Variants in SOX5 observed in about 807,000 individuals in gnomAD.
SOX5 encodes transcription factor SOX-5.
A neutral mutation model predicts 92.0 loss-of-function variants in SOX5; 9 were observed. The observed-to-expected ratio is 0.10, with a 90% confidence interval of 0.06 to 0.17. The LOEUF (loss-of-function observed/expected upper bound fraction) is 0.17, where lower values mean the gene tolerates loss of function less well. Ranked by LOEUF, SOX5 falls within the 10% of genes least tolerant of loss-of-function variation. SOX5 has a pLI of 1.00. For missense variants in SOX5, 642 were observed against 944.5 expected (o/e 0.68, Z 4.20); for synonymous variants, 344 against 336.3 (o/e 1.02, Z -0.25).
chr12:23,845,837 AT>A, intron 3 of SOX5, 145 bp downstream of exon 3: 1 of 653,780 alleles, frequency 1.5e-6, no homozygotes, highest in Non-Finnish European at 2.7e-6. Context: ...TCTGAAAAAA[AT>A]ATACCAACCG....
intron 1 of SOX5, among the ~76,000 whole-genome samples, chr12:24,551,165 G>A (rs984326007): frequency 2.1e-4 from 32 of 152,154 alleles, no homozygotes; most frequent in African/African-American, 7.0e-4. Context: ...CTCTTTTCAG[G>A]CTGCTTTCAA....
chr12:23,930,288 G>A (rs1488519530), intron 1 of SOX5, among the ~76,000 whole-genome samples: 2 of 151,718 alleles, frequency 1.3e-5, no homozygotes, highest in African/African-American at 4.8e-5. Flanking sequence ...GTAGCAATTT[G>A]GCTAGGTTAT....
intron 6 of SOX5, among the ~76,000 whole-genome samples, chr12:23,671,948 T>A (rs930231240): frequency 6.6e-6 from 1 of 152,054 alleles, no homozygotes; most frequent in Non-Finnish European, 1.5e-5. Flanking sequence ...GAACTTTTTT[T>A]AAAAATCGTT....
intron 1 of SOX5, among the ~76,000 whole-genome samples, chr12:24,403,862 G>A (rs1427511487): frequency 6.6e-6 from 1 of 152,152 alleles, no homozygotes; most frequent in Admixed American, 6.5e-5. Context: ...GTTTCTGTAG[G>A]TATATACTTC....
chr12:23,998,910 G>A (rs1951312062), intron 4 of SOX5, among the ~76,000 whole-genome samples: 1 of 149,284 alleles, frequency 6.7e-6, no homozygotes, highest in Non-Finnish European at 1.5e-5. Flanking sequence ...TAATCAAGAA[G>A]CTCAACAAAC....
chr12:24,484,096 A>T (rs1021360604), intron 1 of SOX5, among the ~76,000 whole-genome samples: 1 of 152,200 alleles, frequency 6.6e-6, no homozygotes, highest in Admixed American at 6.5e-5. Flanking sequence ...CCAGGTCTCA[A>T]AAGCCTTACC....
chr12:23,821,192 A>C (rs970695411), intron 3 of SOX5, among the ~76,000 whole-genome samples: 3 of 152,202 alleles, frequency 2.0e-5, no homozygotes, highest in Non-Finnish European at 2.9e-5. Context: ...AGCAATTGTG[A>C]ATGGGAGTTT....
chr12:24,077,695 C>T (rs73275443), intron 4 of SOX5, among the ~76,000 whole-genome samples: 1,677 of 149,724 alleles, frequency 0.011, 23 homozygotes, highest in African/African-American at 0.034. Context: ...AAAGTCCACA[C>T]GAGACTGAAA....
chr12:23,830,109 T>C (rs574264685), intron 3 of SOX5, among the ~76,000 whole-genome samples: 3 of 152,282 alleles, frequency 2.0e-5, no homozygotes, highest in Admixed American at 2.0e-4. Flanking sequence ...GAAAAGGAGA[T>C]GACAGTGAAC....
intron 4 of SOX5, among the ~76,000 whole-genome samples, chr12:24,008,789 G>A (rs938384419): frequency 6.6e-6 from 1 of 152,062 alleles, no homozygotes; most frequent in Admixed American, 6.6e-5. Context: ...TCTAAAGATG[G>A]CTCCCTAATG....
At chr12:23,974,364 AT>A (rs968406867) in intron 4 of SOX5, among the ~76,000 whole-genome samples, 273 of 151,642 alleles carry the variant, frequency 1.8e-3, no homozygotes, top group African/African-American at 3.8e-3. Flanking sequence ...ACCAATATTC[AT>A]TTTTTTTCAT....
intron 6 of SOX5, among the ~76,000 whole-genome samples, chr12:23,674,104 G>T (rs994487305): frequency 6.6e-6 from 1 of 152,056 alleles, no homozygotes; most frequent in Non-Finnish European, 1.5e-5. Context: ...CAGCCTCCTA[G>T]AAATCAGTAG....
intron 2 of SOX5, among the ~76,000 whole-genome samples, chr12:23,875,346 C>T (rs1300473818): frequency 5.3e-5 from 8 of 152,074 alleles, no homozygotes; most frequent in African/African-American, 1.9e-4. Flanking sequence ...AAGTTGGCTG[C>T]TGAAAGGTTT....
intron 1 of SOX5, among the ~76,000 whole-genome samples, chr12:23,917,300 G>C (rs1381170736): frequency 6.6e-6 from 1 of 152,076 alleles, no homozygotes; most frequent in African/African-American, 2.4e-5. Context: ...TAGCACTTTG[G>C]GAGGCTGAGG....
chr12:23,655,470 G>C (rs568182926), intron 7 of SOX5, among the ~76,000 whole-genome samples: 1 of 152,238 alleles, frequency 6.6e-6, no homozygotes, highest in African/African-American at 2.4e-5. Flanking sequence ...TCAAGTATTA[G>C]AGAGTAGGAA....
chr12:23,845,705 C>T (rs969216966), intron 3 of SOX5, among the ~76,000 whole-genome samples: 2 of 152,102 alleles, frequency 1.3e-5, no homozygotes, highest in Non-Finnish European at 2.9e-5. Flanking sequence ...TGACTATTCC[C>T]GGCTCTGCTG....
At chr12:24,028,731 T>A (rs1955164488) in intron 4 of SOX5, among the ~76,000 whole-genome samples, 1 of 152,050 alleles carries the variant, frequency 6.6e-6, no homozygotes, top group Admixed American at 6.6e-5. Context: ...ATAATGAATG[T>A]ATGCCTCTGT....
chr12:23,868,543 T>C (rs1037345719), intron 2 of SOX5, among the ~76,000 whole-genome samples: 4 of 152,126 alleles, frequency 2.6e-5, no homozygotes, highest in African/African-American at 9.7e-5. Flanking sequence ...CTAAGTTATA[T>C]GTACAAGTAT....
At chr12:23,542,203 G>A (rs994368477) in intron 13 of SOX5, among the ~76,000 whole-genome samples, 4 of 152,170 alleles carry the variant, frequency 2.6e-5, no homozygotes, top group Non-Finnish European at 4.4e-5. Context: ...GTAATTCCAA[G>A]TGCCTTACGA....
Sources: gnomAD v4.1 joint callset for allele counts (sites outside exome capture counted in the v4.1 genomes callset) on GRCh38, gnomAD v4.1.1 for gene constraint, MANE v1.5 for transcripts, NCBI Gene and HGNC (gene_info 2026-07-23, HGNC 2026-07-21) for gene names.